UTRN: variants seen among roughly 807,000 people sequenced by gnomAD.
UTRN encodes the protein dystrophin-related protein 1.
A neutral mutation model predicts 463.9 loss-of-function variants in UTRN; 283 were observed. The ratio of observed to expected loss-of-function variants is 0.61; its 90% CI spans 0.55 to 0.67. UTRN has a LOEUF of 0.67. Among genes scored for constraint, UTRN ranks in the 30% least tolerant of loss-of-function variants. The probability of loss-of-function intolerance (pLI) is 0.00; values close to 1 mark genes in which losing one functional copy is unlikely to be tolerated. For synonymous variants in UTRN, 1,442 were observed against 1,431.5 expected, an observed-to-expected ratio of 1.01 and a Z score of -0.17; for missense variants, 3,922 against 4,084.3, an observed-to-expected ratio of 0.96 and a Z score of 1.08.
intron 54 of UTRN, among the ~76,000 whole-genome samples, chr6:144,731,428 C>T (rs547181449): frequency 1.1e-3 from 167 of 152,306 alleles, no homozygotes; most frequent in Middle Eastern, 3.4e-3. Flanking sequence ...ATTCACTTCA[C>T]ATAGTAACAG....
chr6:144,289,561 A>G (rs1804024364), intron 1 of UTRN, among the ~76,000 whole-genome samples: 1 of 152,140 alleles, frequency 6.6e-6, no homozygotes, highest in Non-Finnish European at 1.5e-5. Flanking sequence ...GGCTCAAGTA[A>G]TCCTCTCGCT....
chr6:144,487,734 T>C (rs748013650), intron 29 of UTRN, 37 bp downstream of exon 29: 6 of 1,550,660 alleles, frequency 3.9e-6, no homozygotes, highest in African/African-American at 2.7e-5. Flanking sequence ...TGATTAGGTA[T>C]TGATGAAGTG....
Position 144,803,120 on chromosome 6 carries a change from T to C in UTRN, c.9330T>C (p.His3110=), listed in dbSNP as rs772554225. The C allele has an allele frequency of 8.4e-5, 133 of 1,583,394 alleles. No homozygotes were observed. Among genetic ancestry groups the C allele is most frequent in the Non-Finnish European group, 1.1e-4 (128 of 1,164,512 alleles). The change falls in exon 65 of 75, where the codon CAT becomes CAC. Residue 3110 remains histidine (H), a synonymous_variant. Transcript: ENST00000367545. ...SGRTAKGHKL[H]YPMVEYCIPT... ...GAACAGCAAAAGGTCACAAATTACA[T>C]TACCCAATGGTGGAATATTGTATAC...
intron 28 of UTRN, among the ~76,000 whole-genome samples, 166 bp downstream of exon 28, chr6:144,485,685 G>A (rs764630607): frequency 1.3e-5 from 2 of 152,186 alleles, no homozygotes; most frequent in African/African-American, 2.4e-5. Flanking sequence ...ATACAATCAT[G>A]TGTATTTAGA....
chr6:144,475,830 C>T (rs1332759212), intron 25 of UTRN, among the ~76,000 whole-genome samples: 2 of 152,070 alleles, frequency 1.3e-5, no homozygotes, highest in African/African-American at 4.8e-5. Flanking sequence ...AATCCCAGTA[C>T]TTTGGGAGGC....
Position 144,793,816 on chromosome 6 carries a change from T to C in UTRN, c.8921-18T>C. 1.9e-6 allele frequency: 3 copies of C among 1,611,798 alleles called. No homozygotes were observed. Among genetic ancestry groups the C allele is most frequent in the Non-Finnish European group, 2.5e-6 (3 of 1,178,714 alleles). On this transcript the variant is annotated intron_variant, in intron 62 of 74. Coordinates refer to ENST00000367545, the MANE Select transcript of UTRN (RefSeq NM_007124.3). ...CATGGTAGACAGATGAAAGTTAACC[T>C]CTTGCCTCTCTTTGCAGATCTCTTT...
At chr6:144,735,245 G>T (rs951623678) in intron 54 of UTRN, among the ~76,000 whole-genome samples, 4 of 152,216 alleles carry the variant, frequency 2.6e-5, no homozygotes, top group Non-Finnish European at 4.4e-5. Flanking sequence ...GACTCTGAGG[G>T]TCAGAGTGGA....
chr6:144,577,040 A>G lies in UTRN; in HGVS notation c.7290-59A>G, dbSNP rs1472132063. 17 of 1,531,242 alleles carry G rather than the reference A, an allele frequency of 1.1e-5. No individual in the cohort carries two copies. In the East Asian group the frequency reaches 3.9e-4, roughly 35 times the overall value. The allele number at this position is 1,531,242 out of a possible 1,614,324, so 94.9% of individuals were successfully genotyped here. On this transcript the variant is annotated intron_variant, in intron 50 of 74. Coordinates refer to ENST00000367545, the MANE Select transcript of UTRN (RefSeq NM_007124.3). Reference sequence around the variant, plus strand: ...TAGTTTTTTATTTAGGGGATGCGTGATGTGGAATGTCACAACACTGTAAGT... The same window carrying G: ...TAGTTTTTTATTTAGGGGATGCGTGGTGTGGAATGTCACAACACTGTAAGT...
intron 2 of UTRN, among the ~76,000 whole-genome samples, chr6:144,390,341 G>A (rs1024755789): frequency 1.3e-5 from 2 of 151,986 alleles, no homozygotes; most frequent in African/African-American, 4.8e-5. Flanking sequence ...TGTCTAGCAC[G>A]GGCAATTCTA....
chr6:144,334,414 G>A (rs890258924), intron 2 of UTRN, among the ~76,000 whole-genome samples: 4 of 151,182 alleles, frequency 2.6e-5, no homozygotes, highest in East Asian at 3.9e-4. Context: ...TGATTTTAGC[G>A]CCCCCGGGAG....
At chr6:144,438,594 T>G in intron 11 of UTRN, 151 bp from the exon 12 acceptor site, 1 of 967,644 alleles carries the variant, frequency 1.0e-6, no homozygotes. Context: ...AAGTTTACTT[T>G]CCTGGCTTCT....
intron 2 of UTRN, among the ~76,000 whole-genome samples, chr6:144,374,834 T>C (rs1217537849): frequency 6.6e-6 from 1 of 150,724 alleles, no homozygotes; most frequent in East Asian, 2.0e-4. Context: ...TAATCCCAGG[T>C]ACTTGGGTGA....
intron 14 of UTRN, among the ~76,000 whole-genome samples, chr6:144,444,931 TA>T (rs1358590955): frequency 6.6e-6 from 1 of 152,246 alleles, no homozygotes; most frequent in African/African-American, 2.4e-5. Context: ...GCTGCCACCT[TA>T]ATTTTTCAAT....
chr6:144,711,744 A>G (rs1250815629), intron 53 of UTRN, among the ~76,000 whole-genome samples: 1 of 152,234 alleles, frequency 6.6e-6, no homozygotes, highest in African/African-American at 2.4e-5. Context: ...TTGAAAGTGC[A>G]TGATTCAGGT....
chr6:144,683,911 C>T (rs1037933390), intron 52 of UTRN, among the ~76,000 whole-genome samples: 3 of 152,134 alleles, frequency 2.0e-5, no homozygotes, highest in African/African-American at 4.8e-5. Flanking sequence ...TTAAGCATTG[C>T]TTCTCCATCT....
intron 39 of UTRN, among the ~76,000 whole-genome samples, chr6:144,519,499 C>T (rs1250830783): frequency 6.6e-6 from 1 of 152,090 alleles, no homozygotes; most frequent in Non-Finnish European, 1.5e-5. Context: ...TAAGTACTGA[C>T]CTCTAGTATA....
intron 51 of UTRN, among the ~76,000 whole-genome samples, chr6:144,653,077 T>C (rs1778981783): frequency 6.6e-6 from 1 of 152,216 alleles, no homozygotes. Context: ...GTATAAAAGA[T>C]TGAACATTGA....
At position 144,789,263 on chromosome 6, in the gene UTRN, G is replaced by A; in HGVS notation, c.8904G>A (p.Leu2968=). Residue 2968 remains leucine (L), a synonymous_variant, in exon 62 of 75, where the codon TTG becomes TTA. Transcript: ENST00000367545. ...IGLMSLSKGL[L]EEKYRYLFKE... ...TAATGTCTCTCTCCAAAGGTCTCTT[G>A]GAAGAAAAATACAGATGTATGTAAG... The A allele has an allele frequency of 6.2e-7, 1 of 1,612,694 alleles. No homozygotes were observed. The highest frequency in any genetic ancestry group is 8.5e-7 in the Non-Finnish European group (1 of 1,179,412).
At chr6:144,531,301 A>C in intron 42 of UTRN, 99 bp downstream of exon 42, 1 of 1,201,354 alleles carries the variant, frequency 8.3e-7, no homozygotes, top group Non-Finnish European at 1.1e-6. Flanking sequence ...TTAATTTTTC[A>C]GAAGTCAATG....
Sources: allele counts gnomAD v4.1 joint callset (sites outside exome capture counted in the v4.1 genomes callset), GRCh38; gene constraint gnomAD v4.1.1; transcripts MANE v1.5; gene names NCBI Gene and HGNC (gene_info 2026-07-23, HGNC 2026-07-21).